The following IFT52 variants were observed in gnomAD, a reference collection of about 807,000 sequenced individuals.
IFT52 encodes intraflagellar transport 52, also known as intraflagellar transport protein 52 homolog.
IFT52 carries 44 observed loss-of-function variants against 54.4 expected under a neutral mutation model. That is an observed-to-expected ratio of 0.81 (90% CI 0.63 to 1.04). The LOEUF (loss-of-function observed/expected upper bound fraction) is 1.04, where lower values mean the gene tolerates loss of function less well. IFT52 is among the 50% of genes least tolerant of loss of function. The pLI is 0.00. For synonymous variants in IFT52, 181 were observed against 185.3 expected, an observed-to-expected ratio of 0.98 and a Z score of 0.19; for missense variants, 452 against 523.6, an observed-to-expected ratio of 0.86 and a Z score of 1.33.
At chr20:43,632,257 C>G (rs1985225742) in intron 10 of IFT52, among the ~76,000 whole-genome samples, 1 of 148,192 alleles carries the variant, frequency 6.7e-6, no homozygotes, top group South Asian at 2.2e-4. Flanking sequence ...CAGTTCCTGA[C>G]ATCTTTTTTT....
chr20:43,622,765 A>ATATTTTATGT lies in IFT52; in HGVS notation c.769-1126_769-1125insTATTTTATGT, dbSNP rs200912523. ...TTTTTATGTAAATATAAATATATAC[A>ATATTTTATGT]AATTGTGTGTAAATATAAATATATA... On this transcript the variant is annotated intron_variant, in intron 9 of 13. Coordinates refer to ENST00000373030, the MANE Select transcript of IFT52 (RefSeq NM_016004.5). Among the ~76,000 whole-genome samples the ATATTTTATGT allele has an allele frequency of 1.7e-5, 2 of 115,270 alleles. 1 individual carries two copies. Among genetic ancestry groups the ATATTTTATGT allele is most frequent in the African/African-American group, 7.4e-5 (2 of 27,150 alleles). The allele number at this position is 115,270 out of a possible 152,430, so 75.6% of individuals were successfully genotyped here. A position where few individuals can be genotyped will look rare whatever the true frequency, so the allele number is the denominator to read the frequency against.
At chr20:43,594,486 G>A (rs1981775162) in intron 1 of IFT52, among the ~76,000 whole-genome samples, 1 of 152,130 alleles carries the variant, frequency 6.6e-6, no homozygotes, top group African/African-American at 2.4e-5. Flanking sequence ...AGCGGGTAGG[G>A]GAGGGCTGGG....
chr20:43,593,516 T>C (rs530792777), intron 1 of IFT52, among the ~76,000 whole-genome samples: 1 of 152,350 alleles, frequency 6.6e-6, no homozygotes, highest in Non-Finnish European at 1.5e-5. Context: ...AGTAGATGAC[T>C]GGTTAAATAA....
chr20:43,641,629 G>T (rs547599609), intron 12 of IFT52, among the ~76,000 whole-genome samples: 1 of 151,680 alleles, frequency 6.6e-6, no homozygotes, highest in South Asian at 2.1e-4. Flanking sequence ...GAGTAGCTGG[G>T]ATTACAGGTG....
At chr20:43,600,564 G>A (rs1240561431) in intron 3 of IFT52, among the ~76,000 whole-genome samples, 1 of 151,952 alleles carries the variant, frequency 6.6e-6, no homozygotes. Flanking sequence ...TTGGCCTCTG[G>A]TAAAGTTCTG....
intron 10 of IFT52, among the ~76,000 whole-genome samples, chr20:43,627,111 G>A (rs1984779706): frequency 1.3e-5 from 2 of 151,674 alleles, no homozygotes; most frequent in African/African-American, 4.9e-5. Context: ...AAGTTGCAGT[G>A]AGCCAAGAAC....
intron 10 of IFT52, among the ~76,000 whole-genome samples, chr20:43,630,992 T>C (rs1434488830): frequency 1.3e-5 from 2 of 152,158 alleles, no homozygotes; most frequent in African/African-American, 2.4e-5. Context: ...ACAGCTGGGA[T>C]AGCTGAGGCT....
intron 12 of IFT52, 65 bp downstream of exon 12, chr20:43,637,318 A>G (rs781471473): frequency 1.3e-5 from 12 of 894,916 alleles, no homozygotes; most frequent in Non-Finnish European, 1.9e-5. Flanking sequence ...GCTGGAGTGC[A>G]ATGGTGCGAT....
At chr20:43,620,992 C>T (rs993925333) in intron 9 of IFT52, 67 bp downstream of exon 9, 2 of 1,122,224 alleles carry the variant, frequency 1.8e-6, no homozygotes, top group African/African-American at 1.5e-5. Context: ...CCACTTCTCA[C>T]AGCTCAAAAG....
intron 13 of IFT52, 73 bp downstream of exon 13, chr20:43,642,697 A>G: frequency 7.0e-7 from 1 of 1,435,244 alleles, no homozygotes. Flanking sequence ...TGTGCTTGCC[A>G]TGTTTTATGA....
intron 6 of IFT52, among the ~76,000 whole-genome samples, chr20:43,612,496 C>T (rs1373272835): frequency 2.0e-5 from 3 of 151,838 alleles, no homozygotes; most frequent in Non-Finnish European, 1.5e-5. Context: ...AGTTCAAGAC[C>T]AGCCTGGGCA....
intron 3 of IFT52, among the ~76,000 whole-genome samples, chr20:43,598,219 T>A (rs761174955): frequency 6.6e-6 from 1 of 152,156 alleles, no homozygotes. Flanking sequence ...ATTTCACTTA[T>A]GCAAGCATGA....
In IFT52 at chr20:43,594,834, A is replaced by T; in HGVS notation, c.119+17A>T. Reference sequence around the variant, plus strand: ...GATTCAGAGGTGACTGACCATGTATATTGTTTTCCCTTCTAAATGATATTG... The same window carrying T: ...GATTCAGAGGTGACTGACCATGTATTTTGTTTTCCCTTCTAAATGATATTG... On this transcript the variant is annotated intron_variant, in intron 2 of 13. Transcript: ENST00000373030. 8.0e-7 allele frequency: 1 copy of T among 1,247,360 alleles called. No individual in the cohort carries two copies. The highest frequency in any genetic ancestry group is 1.7e-5 in the Admixed American group (1 of 59,178). 77.3% of individuals were successfully genotyped at this position (1,247,360 alleles called of 1,614,324 possible). A position where few individuals can be genotyped will look rare whatever the true frequency, so the allele number is the denominator to read the frequency against.
Position 43,594,716 on chromosome 20 carries a change from G to A in IFT52, c.18G>A (p.Arg6=). Residue 6 remains arginine, a synonymous_variant, in exon 2 of 14, where the codon CGG becomes CGA. Coordinates refer to ENST00000373030, the MANE Select transcript of IFT52 (RefSeq NM_016004.5). The part of the protein sequence containing the change: MEKEL[R]STILFNAYKK... ...AGGTAACCATGGAGAAAGAGCTGCGGAGCACCATTCTTTTCAATGCCTACA... is the reference window on the plus strand; with the variant it reads ...AGGTAACCATGGAGAAAGAGCTGCGAAGCACCATTCTTTTCAATGCCTACA... 1 of 1,601,916 alleles carries A rather than the reference G, an allele frequency of 6.2e-7. No individual in the cohort carries two copies. The highest frequency in any genetic ancestry group is 8.6e-7 in the Non-Finnish European group (1 of 1,168,974).
intron 12 of IFT52, among the ~76,000 whole-genome samples, chr20:43,639,531 G>T (rs1209630810): frequency 6.6e-6 from 1 of 152,210 alleles, no homozygotes; most frequent in African/African-American, 2.4e-5. Context: ...TTAGCTGGGT[G>T]TGGTGGCGCA....
At chr20:43,606,063 A>G (rs754303891) in intron 6 of IFT52, among the ~76,000 whole-genome samples, 5 of 152,002 alleles carry the variant, frequency 3.3e-5, no homozygotes, top group Non-Finnish European at 7.4e-5. Flanking sequence ...TTTACTAAAA[A>G]TAGAAAATTT....
intron 10 of IFT52, among the ~76,000 whole-genome samples, chr20:43,634,280 A>G (rs1273664457): frequency 2.6e-5 from 4 of 152,168 alleles, no homozygotes; most frequent in African/African-American, 9.6e-5. Flanking sequence ...ATTGATGCAT[A>G]TGAGTGATAT....
intron 10 of IFT52, among the ~76,000 whole-genome samples, chr20:43,632,841 T>G (rs779543325): frequency 7.9e-5 from 12 of 152,182 alleles, no homozygotes; most frequent in Non-Finnish European, 1.3e-4. Flanking sequence ...AGTTGCAAGA[T>G]TCACTGTGTC....
chr20:43,621,040 G>GA, intron 9 of IFT52, 115 bp downstream of exon 9: 4 of 702,158 alleles, frequency 5.7e-6, no homozygotes, highest in Non-Finnish European at 1.0e-5. Context: ...TAAGACAGAT[G>GA]GAACGAAGGA....
Sources: allele counts gnomAD v4.1 joint callset (sites outside exome capture counted in the v4.1 genomes callset), GRCh38; gene constraint gnomAD v4.1.1; transcripts MANE v1.5; gene names NCBI Gene and HGNC (gene_info 2026-07-23, HGNC 2026-07-21).